Variants in KIAA1217 observed in about 807,000 individuals in gnomAD.
KIAA1217 encodes KIAA1217.
A neutral mutation model predicts 163.9 loss-of-function variants in KIAA1217; 88 were observed. The ratio of observed to expected loss-of-function variants is 0.54; its 90% CI spans 0.45 to 0.64. The LOEUF is 0.64. KIAA1217 is among the 30% of genes least tolerant of loss of function. The pLI, the probability that KIAA1217 is intolerant of heterozygous loss-of-function variation, is 0.00. For synonymous variants in KIAA1217, 903 were observed against 923.1 expected (o/e 0.98, Z 0.39); for missense variants, 2,372 against 2,475.0 (o/e 0.96, Z 0.88).
At chr10:24,249,534 T>C (rs546252054) in intron 2 of KIAA1217, among the ~76,000 whole-genome samples, 1 of 152,320 alleles carries the variant, frequency 6.6e-6, no homozygotes, top group African/African-American at 2.4e-5. Context: ...TACAACATTT[T>C]CTTCCTGCAA....
chr10:24,531,317 C>T (rs986101170), intron 14 of KIAA1217, among the ~76,000 whole-genome samples: 6 of 152,286 alleles, frequency 3.9e-5, no homozygotes, highest in African/African-American at 1.4e-4. Flanking sequence ...CTCCCTAAGC[C>T]AGATTCTACT....
chr10:24,367,107 C>T (rs2050895585), intron 2 of KIAA1217: 2 of 981,396 alleles, frequency 2.0e-6, no homozygotes, highest in African/African-American at 3.5e-5. Flanking sequence ...CTTGTTTTCT[C>T]CTGGTCCACA....
chr10:24,049,636 C>T (rs1849337845), intron 2 of KIAA1217, among the ~76,000 whole-genome samples: 2 of 152,130 alleles, frequency 1.3e-5, no homozygotes, highest in Admixed American at 1.3e-4. Flanking sequence ...AGGACATGAA[C>T]TCATCCTTTT....
intron 1 of KIAA1217, among the ~76,000 whole-genome samples, chr10:23,740,498 A>G (rs1482541134): frequency 1.3e-5 from 2 of 152,156 alleles, no homozygotes; most frequent in Admixed American, 6.5e-5. Context: ...AGCTGGGACT[A>G]CAGATGCGCA....
chr10:24,048,559 G>A (rs1032360068), intron 2 of KIAA1217, among the ~76,000 whole-genome samples: 4 of 151,684 alleles, frequency 2.6e-5, no homozygotes, highest in African/African-American at 9.7e-5. Flanking sequence ...GGTAAACCCT[G>A]CCTCTACTAA....
intron 1 of KIAA1217, among the ~76,000 whole-genome samples, chr10:23,903,299 AG>A (rs1842025474): frequency 6.6e-6 from 1 of 152,122 alleles, no homozygotes; most frequent in South Asian, 2.1e-4. Context: ...GCTTCTAAAA[AG>A]TCTTTTGTAA....
At chr10:23,818,442 T>C (rs1263467784) in intron 1 of KIAA1217, among the ~76,000 whole-genome samples, 1 of 149,736 alleles carries the variant, frequency 6.7e-6, no homozygotes, top group African/African-American at 2.5e-5. Context: ...AAGTGAAAAA[T>C]ATTTTGCATT....
chr10:24,409,747 C>T (rs1222322781), intron 3 of KIAA1217, among the ~76,000 whole-genome samples: 1 of 152,024 alleles, frequency 6.6e-6, no homozygotes, highest in African/African-American at 2.4e-5. Flanking sequence ...TCACCCCTCT[C>T]CCACCCTTTC....
intron 12 of KIAA1217, among the ~76,000 whole-genome samples, chr10:24,523,696 C>T (rs567152171): frequency 1.3e-5 from 2 of 152,088 alleles, no homozygotes; most frequent in African/African-American, 4.8e-5. Flanking sequence ...CTTAAAGAGG[C>T]GAAGTTCTCA....
At chr10:24,177,982 T>A (rs953171580) in intron 2 of KIAA1217, among the ~76,000 whole-genome samples, 4 of 152,232 alleles carry the variant, frequency 2.6e-5, no homozygotes, top group African/African-American at 7.2e-5. Context: ...TCTGGTGCTT[T>A]TCCTAAATAT....
intron 2 of KIAA1217, among the ~76,000 whole-genome samples, chr10:24,300,970 G>A (rs1017119256): frequency 9.9e-5 from 15 of 151,872 alleles, no homozygotes; most frequent in South Asian, 2.1e-4. Context: ...CAGCCACCAC[G>A]CCCGGCTGAT....
chr10:24,182,890 C>G, intron 2 of KIAA1217, among the ~76,000 whole-genome samples: 1 of 152,136 alleles, frequency 6.6e-6, no homozygotes, highest in East Asian at 1.9e-4. Context: ...ATGGTTTCAA[C>G]ATGATTTGTT....
At chr10:24,391,333 C>CTTTTTTT (rs768727392) in intron 3 of KIAA1217, among the ~76,000 whole-genome samples, 57 of 29,892 alleles carry the variant, frequency 1.9e-3, no homozygotes, top group Non-Finnish European at 2.3e-3. Flanking sequence ...TTCTTTCTTT[C>CTTTTTTT]TTTTTTTTTT....
At chr10:24,405,080 A>G (rs2057059337) in intron 3 of KIAA1217, among the ~76,000 whole-genome samples, 1 of 152,320 alleles carries the variant, frequency 6.6e-6, no homozygotes, top group African/African-American at 2.4e-5. Context: ...ACAGCTATAC[A>G]TGTGATAAAA....
chr10:24,385,193 C>G (rs1336128060), intron 3 of KIAA1217, among the ~76,000 whole-genome samples: 5 of 152,222 alleles, frequency 3.3e-5, no homozygotes, highest in South Asian at 2.1e-4. Flanking sequence ...GGAGAGGAAG[C>G]CTTCCCTCAC....
intron 2 of KIAA1217, among the ~76,000 whole-genome samples, chr10:24,276,468 C>T (rs2077297638): frequency 6.6e-6 from 1 of 152,154 alleles, no homozygotes; most frequent in Admixed American, 6.5e-5. Context: ...TTTTAAGAGA[C>T]AGGGTCTCGC....
intron 1 of KIAA1217, among the ~76,000 whole-genome samples, chr10:23,851,017 T>A (rs993529672): frequency 5.9e-4 from 89 of 152,098 alleles, no homozygotes; most frequent in African/African-American, 2.0e-3. Context: ...TACAATTTTT[T>A]TTATTATTAT....
chr10:24,355,252 A>G (rs2048941820), intron 2 of KIAA1217, among the ~76,000 whole-genome samples: 1 of 152,170 alleles, frequency 6.6e-6, no homozygotes, highest in Non-Finnish European at 1.5e-5. Context: ...AGGGATGCAG[A>G]TGCTAACATC....
intron 2 of KIAA1217, among the ~76,000 whole-genome samples, chr10:24,138,088 G>C (rs2063904046): frequency 6.6e-6 from 1 of 152,158 alleles, no homozygotes; most frequent in African/African-American, 2.4e-5. Flanking sequence ...TCCAACCTTA[G>C]TATTATGCGT....
Sources: allele counts gnomAD v4.1 joint callset (sites outside exome capture counted in the v4.1 genomes callset), GRCh38; gene constraint gnomAD v4.1.1; transcripts MANE v1.5; gene names NCBI Gene and HGNC (gene_info 2026-07-23, HGNC 2026-07-21).